Variants in UPF1 observed in about 807,000 individuals in gnomAD.
The protein encoded by UPF1 is UPF1 RNA helicase and ATPase.
A neutral mutation model predicts 129.2 loss-of-function variants in UPF1; 9 were observed. That is an observed-to-expected ratio of 0.07 (90% CI 0.04 to 0.12). The LOEUF is 0.12. Among genes scored for constraint, UPF1 ranks in the 10% least tolerant of loss-of-function variants. The pLI is 1.00. For synonymous variants in UPF1, 649 were observed against 644.9 expected, an observed-to-expected ratio of 1.01 and a Z score of -0.10; for missense variants, 788 against 1,525.3, an observed-to-expected ratio of 0.52 and a Z score of 8.05.
chr19:18,846,152 CTGGACAGGTGG>C, intron 2 of UPF1, 33 bp downstream of exon 2: 1 of 1,612,052 alleles, frequency 6.2e-7, no homozygotes, highest in Non-Finnish European at 8.5e-7. Flanking sequence ...TGGGCATGTG[CTGGACAGGTGG>C]GTGCCTCTGG....
At chr19:18,862,647 C>T (rs1001643566) in intron 18 of UPF1, among the ~76,000 whole-genome samples, 1 of 152,150 alleles carries the variant, frequency 6.6e-6, no homozygotes, top group Non-Finnish European at 1.5e-5. Flanking sequence ...ACCAGCCTAA[C>T]ATGGTGAAAC....
intron 15 of UPF1, chr19:18,859,331 T>C (rs1188904582): frequency 6.6e-6 from 1 of 152,246 alleles, no homozygotes; most frequent in Non-Finnish European, 1.5e-5. Context: ...TCTATTGAAG[T>C]GTAAACATGT....
intron 1 of UPF1, among the ~76,000 whole-genome samples, chr19:18,836,842 C>T (rs1254017860): frequency 1.3e-5 from 2 of 151,520 alleles, no homozygotes; most frequent in Non-Finnish European, 2.9e-5. Context: ...CAACCTCCAC[C>T]TCCTGGGTTC....
At chr19:18,846,412 C>A (rs1370987660) in intron 2 of UPF1, among the ~76,000 whole-genome samples, 1 of 152,048 alleles carries the variant, frequency 6.6e-6, no homozygotes, top group African/African-American at 2.4e-5. Context: ...CCTGCGCACT[C>A]ACTCATAGAA....
intron 1 of UPF1, among the ~76,000 whole-genome samples, chr19:18,837,417 C>T (rs568388737): frequency 3.9e-4 from 60 of 152,322 alleles, no homozygotes; most frequent in Admixed American, 2.9e-3. Context: ...TCATGCCATA[C>T]ACCTACCTGT....
At chr19:18,834,833 T>G (rs1397396664) in intron 1 of UPF1, among the ~76,000 whole-genome samples, 2 of 152,162 alleles carry the variant, frequency 1.3e-5, no homozygotes, top group East Asian at 3.8e-4. Flanking sequence ...AGCTGTTAAG[T>G]TGGGGGCTCC....
chr19:18,860,239 A>G, intron 15 of UPF1, 82 bp from the exon 16 acceptor site: 2 of 1,400,410 alleles, frequency 1.4e-6, no homozygotes, highest in South Asian at 1.2e-5. Flanking sequence ...ACTGTAGCGT[A>G]GCAACTACAT....
chr19:18,853,197 G>A lies in UPF1; in HGVS notation c.1058-55G>A. ...TGCCCCTTAATTTGAACTCTCCCTG[G>A]TGGAAGCGACGGCGTGGGTTAAAAT... On this transcript the variant is annotated intron_variant, in intron 7 of 23. Coordinates refer to ENST00000262803, the MANE Select transcript of UPF1 (RefSeq NM_002911.4). The surrounding 1 kb of genome is among the most constrained non-coding windows in gnomAD (Gnocchi z 4.4). 6.3e-7 allele frequency: 1 copy of A among 1,598,826 alleles called. No individual in the cohort carries two copies. The highest frequency in any genetic ancestry group is 8.5e-7 in the Non-Finnish European group (1 of 1,169,838).
chr19:18,855,860 CT>C (rs2055711387), intron 11 of UPF1, 64 bp from the exon 12 acceptor site: 3 of 1,576,338 alleles, frequency 1.9e-6, no homozygotes, highest in Non-Finnish European at 2.6e-6. Context: ...AAAACAGAGT[CT>C]TGGCTTACTA....
At chr19:18,843,717 TTG>T (rs72080135) in intron 1 of UPF1, among the ~76,000 whole-genome samples, 36,931 of 143,544 alleles carry the variant, frequency 0.26, 5,010 homozygotes, top group African/African-American at 0.37. Context: ...TTGGCCAGGC[TTG>T]TGTGTGTGTG....
At position 18,832,738 on chromosome 19, in the gene UPF1, C is replaced by A. The variant is rs933513317; in HGVS notation, c.231+298C>A. Among the ~76,000 whole-genome samples the A allele has an allele frequency of 6.6e-6, 1 of 152,048 alleles. No individual in the cohort carries two copies. Among genetic ancestry groups the A allele is most frequent in the Non-Finnish European group, 1.5e-5 (1 of 67,978 alleles). ...CAGACTTGCCTCGAGTCCTCCACTTCGTTCGGGACCGAGCTAACCTGACCC... is the reference window on the plus strand; with the variant it reads ...CAGACTTGCCTCGAGTCCTCCACTTAGTTCGGGACCGAGCTAACCTGACCC... On this transcript the variant is annotated intron_variant, in intron 1 of 23. Coordinates refer to ENST00000262803, the MANE Select transcript of UPF1 (RefSeq NM_002911.4). This position sits in a 1 kb window ranked among gnomAD's most constrained non-coding sequence, Gnocchi z 5.6.
chr19:18,852,321 C>T (rs1395332832), intron 6 of UPF1, 25 bp downstream of exon 6: 2 of 1,609,686 alleles, frequency 1.2e-6, no homozygotes, highest in African/African-American at 1.3e-5. Context: ...AGGGCTTGGC[C>T]TGGGGTGGGC....
Position 18,831,994 on chromosome 19 carries a change from C to T in UPF1, c.-216C>T, listed in dbSNP as rs1405130750. 2.3e-5 allele frequency: 7 copies of T among 310,842 alleles called. No homozygotes were observed. In the East Asian group the frequency reaches 3.8e-4, roughly 17 times the overall value. 19.3% of individuals were successfully genotyped at this position (310,842 alleles called of 1,614,324 possible). A position where few individuals can be genotyped will look rare whatever the true frequency, so the allele number is the denominator to read the frequency against. On this transcript the variant is annotated 5_prime_UTR_variant, in exon 1 of 24. Coordinates refer to ENST00000262803, the MANE Select transcript of UPF1 (RefSeq NM_002911.4). ...CTAGGCTGCGAGCGGCTGGCGGCTT[C>T]GAGGGGAGCTGAGGCGCGGAGGGGC...
chr19:18,845,445 G>T (rs1422805105), intron 1 of UPF1, among the ~76,000 whole-genome samples: 1 of 152,148 alleles, frequency 6.6e-6, no homozygotes, highest in African/African-American at 2.4e-5. Flanking sequence ...GTGTGGCCTC[G>T]GTTGCCAAGG....
intron 1 of UPF1, chr19:18,833,388 A>G (rs1022125546): frequency 1.1e-4 from 16 of 152,342 alleles, no homozygotes; most frequent in East Asian, 1.9e-4. Flanking sequence ...TGTTCTTCCA[A>G]TAAGACAGCA....
Position 18,867,614 on chromosome 19 carries a change from G to A in UPF1, c.*1097G>A, listed in dbSNP as rs1317447413. ...GCGCTGCACACCGAAAGCCCAAATT[G>A]GGAGCTCTGCCTGCCGGCAACTTTG... On this transcript the variant is annotated 3_prime_UTR_variant, in exon 24 of 24. Transcript: ENST00000262803. The A allele has an allele frequency of 6.6e-6, 1 of 152,600 alleles. No individual in the cohort carries two copies. Among genetic ancestry groups the A allele is most frequent in the Non-Finnish European group, 1.5e-5 (1 of 68,330 alleles). The allele number at this position is 152,600 out of a possible 1,614,324, so 9.5% of individuals were successfully genotyped here.
intron 17 of UPF1, 75 bp from the exon 18 acceptor site, chr19:18,861,935 G>T (rs2055784963): frequency 1.3e-6 from 2 of 1,571,602 alleles, no homozygotes; most frequent in Non-Finnish European, 8.6e-7. Context: ...GGTGGGTCTT[G>T]GTGTGTTTCC....
Position 18,865,937 on chromosome 19 carries a change from T to C in UPF1, c.3238-107T>C. The C allele has an allele frequency of 6.3e-7, 1 of 1,590,334 alleles. No individual in the cohort carries two copies. The highest frequency in any genetic ancestry group is 1.7e-4 in the Middle Eastern group (1 of 5,764). On this transcript the variant is annotated intron_variant, in intron 22 of 23. Coordinates refer to ENST00000262803, the MANE Select transcript of UPF1 (RefSeq NM_002911.4). This position sits in a 1 kb window ranked among gnomAD's most constrained non-coding sequence, Gnocchi z 6.1. ...TCATCAGAGTGGGTCTCCTGGGTCT[T>C]AGTTTGGGGACGGGTTTTCCATTCT... is the stretch of plus-strand genomic sequence containing the variant.
intron 8 of UPF1, among the ~76,000 whole-genome samples, chr19:18,854,101 T>C (rs1164701855): frequency 6.6e-6 from 1 of 152,100 alleles, no homozygotes; most frequent in Non-Finnish European, 1.5e-5. Context: ...TGGAGGGCAG[T>C]TTGCTTGTGT....
Sources: gnomAD v4.1 joint callset for allele counts (sites outside exome capture counted in the v4.1 genomes callset) on GRCh38, gnomAD v4.1.1 for gene constraint, Gnocchi (gnomAD v3.1) non-coding constraint, MANE v1.5 for transcripts, NCBI Gene and HGNC (gene_info 2026-07-23, HGNC 2026-07-21) for gene names.